CHRM5: variants seen among roughly 807,000 people sequenced by gnomAD.
The protein encoded by CHRM5 is cholinergic receptor muscarinic 5, also known as muscarinic acetylcholine receptor M5.
In CHRM5, 18 loss-of-function variants were observed where a neutral mutation model predicts 39.0. That is an observed-to-expected ratio of 0.46 (90% CI 0.32 to 0.68). CHRM5 has a LOEUF of 0.68. Ranked by LOEUF, CHRM5 falls within the 30% of genes least tolerant of loss-of-function variation. CHRM5 has a pLI of 0.04. For missense variants in CHRM5, 515 were observed against 651.1 expected, an observed-to-expected ratio of 0.79 and a Z score of 2.28; for synonymous variants, 241 against 246.3, an observed-to-expected ratio of 0.98 and a Z score of 0.20.
chr15:33,995,502 A>G (rs181119391), intron 1 of CHRM5, among the ~76,000 whole-genome samples: 268 of 152,316 alleles, frequency 1.8e-3, no homozygotes, highest in Non-Finnish European at 2.8e-3. Context: ...TGGTATCCAC[A>G]GGCGTCCTGA....
rs963079608 is a variant in CHRM5 at position 34,066,270 on chromosome 15, A to G, written c.*1954A>G. ...ACTTCATGAGCAAACCTGCTCTACC[A>G]GCGCCAGATAAACAGTTGAGTCTTC... On this transcript the variant is annotated 3_prime_UTR_variant, in exon 3 of 3. Coordinates refer to ENST00000383263, the MANE Select transcript of CHRM5 (RefSeq NM_012125.4). 6.6e-6 allele frequency: 1 copy of G among 152,248 alleles called. No individual in the cohort carries two copies. The highest frequency in any genetic ancestry group is 1.5e-5 in the Non-Finnish European group (1 of 68,040). 9.4% of individuals were successfully genotyped at this position (152,248 alleles called of 1,614,324 possible). A position where few individuals can be genotyped will look rare whatever the true frequency, so the allele number is the denominator to read the frequency against.
chr15:34,029,143 T>A (rs1192476380), intron 1 of CHRM5, among the ~76,000 whole-genome samples: 2 of 152,042 alleles, frequency 1.3e-5, no homozygotes, highest in South Asian at 2.1e-4. Flanking sequence ...CCCCTCTCCA[T>A]CCAGGGACAG....
chr15:34,060,933 G>A (rs569567650), intron 2 of CHRM5, among the ~76,000 whole-genome samples: 71 of 151,402 alleles, frequency 4.7e-4, no homozygotes, highest in Non-Finnish European at 9.1e-4. Context: ...GGAGAATGGC[G>A]TGAACCCAGG....
intron 1 of CHRM5, among the ~76,000 whole-genome samples, chr15:34,040,427 CAG>C (rs1402593046): frequency 7.2e-5 from 11 of 152,280 alleles, no homozygotes; most frequent in Non-Finnish European, 1.0e-4. Context: ...GCCTTCCAGA[CAG>C]GGGGAACTAT....
chr15:33,990,125 A>G (rs1180038554), intron 1 of CHRM5, among the ~76,000 whole-genome samples: 1 of 151,994 alleles, frequency 6.6e-6, no homozygotes, highest in Non-Finnish European at 1.5e-5. Context: ...AATCACTTGA[A>G]CCTGGGAGGC....
chr15:33,995,974 G>A (rs527363564), intron 1 of CHRM5, among the ~76,000 whole-genome samples: 7 of 152,172 alleles, frequency 4.6e-5, no homozygotes, highest in South Asian at 2.1e-4. Flanking sequence ...GGACACTTCC[G>A]CCCAAATACT....
At chr15:33,981,066 T>C (rs1314297441) in intron 1 of CHRM5, among the ~76,000 whole-genome samples, 1 of 127,018 alleles carries the variant, frequency 7.9e-6, no homozygotes, top group African/African-American at 2.5e-5. Context: ...AAACATACAA[T>C]CACAACTTGA....
intron 1 of CHRM5, among the ~76,000 whole-genome samples, chr15:34,036,935 C>T (rs559503288): frequency 1.3e-5 from 2 of 152,132 alleles, no homozygotes; most frequent in Admixed American, 1.3e-4. Context: ...CATGGTGAAA[C>T]CCCATCTCTA....
chr15:34,053,675 A>T (rs1434951242), intron 2 of CHRM5, among the ~76,000 whole-genome samples: 4 of 152,168 alleles, frequency 2.6e-5, no homozygotes, highest in African/African-American at 9.7e-5. Context: ...TACAAAAATT[A>T]ACTCAAGATG....
intron 1 of CHRM5, among the ~76,000 whole-genome samples, chr15:34,004,369 C>T (rs1477039569): frequency 6.6e-6 from 1 of 151,874 alleles, no homozygotes; most frequent in East Asian, 1.9e-4. Flanking sequence ...AATAAATAAA[C>T]TGAAAGAGAA....
chr15:33,976,329 T>C (rs1424911455), intron 1 of CHRM5, among the ~76,000 whole-genome samples: 1 of 152,266 alleles, frequency 6.6e-6, no homozygotes, highest in East Asian at 1.9e-4. Context: ...ATTCCTGCTT[T>C]GAAGTCAATC....
intron 1 of CHRM5, among the ~76,000 whole-genome samples, chr15:34,035,617 T>C (rs891207951): frequency 9.2e-5 from 14 of 152,138 alleles, no homozygotes; most frequent in Admixed American, 8.5e-4. Flanking sequence ...TCTCATCTTA[T>C]ATTAAGTACT....
chr15:34,059,756 G>A lies in CHRM5; in HGVS notation c.-75-2887G>A, dbSNP rs561307303. 2.0e-3 allele frequency among the ~76,000 whole-genome samples: 312 copies of A among 152,198 alleles called. 3 individuals carry two copies. The highest frequency in any genetic ancestry group is 2.5e-3 in the Non-Finnish European group (171 of 68,028). The stretch of plus-strand genomic sequence containing the variant: ...TTGGTGACTTCATTCTTCAAGTCTC[G>A]ACTCTTAGGTCTCTTCCTCAGGAAG... On this transcript the variant is annotated intron_variant, in intron 2 of 2. Transcript: ENST00000383263.
At chr15:34,016,140 G>T (rs746082300) in intron 1 of CHRM5, among the ~76,000 whole-genome samples, 4 of 152,206 alleles carry the variant, frequency 2.6e-5, no homozygotes, top group African/African-American at 9.7e-5. Context: ...GCTGGGCATG[G>T]TGGTGCACGC....
chr15:34,031,498 T>C (rs8032480), intron 1 of CHRM5, among the ~76,000 whole-genome samples: 3,138 of 152,302 alleles, frequency 0.021, 102 homozygotes, highest in African/African-American at 0.071. Context: ...ATTAAAATGT[T>C]TGCTATCCCT....
At chr15:34,021,340 C>CAATG in intron 1 of CHRM5, among the ~76,000 whole-genome samples, 1 of 151,582 alleles carries the variant, frequency 6.6e-6, no homozygotes, top group Non-Finnish European at 1.5e-5. Flanking sequence ...GACTGGAGTA[C>CAATG]AATGGCGCCA....
chr15:34,003,082 C>T (rs745763980), intron 1 of CHRM5: 3 of 1,613,884 alleles, frequency 1.9e-6, no homozygotes, highest in African/African-American at 2.7e-5. Flanking sequence ...TGACTCTCCA[C>T]TTTCATTATT....
chr15:33,996,036 A>G (rs1046620122), intron 1 of CHRM5, among the ~76,000 whole-genome samples: 2 of 152,230 alleles, frequency 1.3e-5, no homozygotes, highest in African/African-American at 2.4e-5. Flanking sequence ...TATCCCACAC[A>G]TGGCTAGGTG....
intron 1 of CHRM5, among the ~76,000 whole-genome samples, chr15:33,972,900 T>A (rs504714): frequency 0.85 from 129,549 of 152,144 alleles, 57,949 homozygotes; most frequent in Non-Finnish European, 0.98. Flanking sequence ...TACAGTTAAC[T>A]ACTCCACGCA....
Sources: allele counts gnomAD v4.1 joint callset (sites outside exome capture counted in the v4.1 genomes callset), GRCh38; gene constraint gnomAD v4.1.1; transcripts MANE v1.5; gene names NCBI Gene and HGNC (gene_info 2026-07-23, HGNC 2026-07-21).